The following SEPTIN9 variants were observed in gnomAD, a reference collection of about 807,000 sequenced individuals.
The protein encoded by SEPTIN9 is septin 9.
SEPTIN9 carries 13 observed loss-of-function variants against 56.6 expected under a neutral mutation model. That is an observed-to-expected ratio of 0.23 (90% confidence interval 0.15 to 0.37). SEPTIN9 has a LOEUF of 0.37. Among genes scored for constraint, SEPTIN9 ranks in the 10% least tolerant of loss-of-function variants. The pLI, the probability that SEPTIN9 is intolerant of heterozygous loss-of-function variation, is 1.00. For synonymous variants in SEPTIN9, 332 were observed against 334.1 expected (o/e 0.99, Z 0.07); for missense variants, 650 against 823.1 (o/e 0.79, Z 2.57).
At chr17:77,484,892 GTGGTGGTGGTGATGGTGATGA>G (rs2039653998) in intron 4 of SEPTIN9, among the ~76,000 whole-genome samples, 1 of 99,378 alleles carries the variant, frequency 1.0e-5, no homozygotes, top group African/African-American at 5.9e-5. Flanking sequence ...GATTGTGATG[GTGGTGGTGGTGATGGTGATGA>G]TGGTGGTGAT....
chr17:77,281,875 C>G lies in SEPTIN9; in HGVS notation c.19+321C>G, dbSNP rs8070090. The G allele has an allele frequency of 6.1e-3, 2,443 of 399,272 alleles. 60 individuals carry two copies. Among genetic ancestry groups the G allele is most frequent in the African/African-American group, 0.046 (2,193 of 47,276 alleles). 24.7% of individuals were successfully genotyped at this position (399,272 alleles called of 1,614,324 possible). A position where few individuals can be genotyped will look rare whatever the true frequency, so the allele number is the denominator to read the frequency against. On this transcript the variant is annotated intron_variant, in intron 1 of 11. Transcript: ENST00000427177. ...CGGCCGGGTGCTTTGGGTCCCTGTG[C>G]GTCTGTGTGGGTGAATGGGGTCGGG...
At position 77,451,276 on chromosome 17, in the gene SEPTIN9, C is replaced by T. The variant is rs1415576560; in HGVS notation, c.722-30868C>T. On this transcript the variant is annotated intron_variant, in intron 3 of 11. Transcript: ENST00000427177. This position sits in a 1 kb window ranked among gnomAD's most constrained non-coding sequence, Gnocchi z 4.2. ...CAGGTTGCTTCTGCGCCGGGCCTGC[C>T]GCTGGGCGCCCCTATCTCTGCCTGC... The T allele has an allele frequency of 7.8e-6, 6 of 773,484 alleles. No homozygotes were observed. The highest frequency in any genetic ancestry group is 1.3e-4 in the East Asian group (1 of 7,900). The allele number at this position is 773,484 out of a possible 1,614,324, so 47.9% of individuals were successfully genotyped here. A position where few individuals can be genotyped will look rare whatever the true frequency, so the allele number is the denominator to read the frequency against.
intron 8 of SEPTIN9, among the ~76,000 whole-genome samples, chr17:77,491,351 C>T (rs2040018002): frequency 6.6e-6 from 1 of 152,046 alleles, no homozygotes; most frequent in African/African-American, 2.4e-5. Flanking sequence ...ACGCACACCA[C>T]CATGTCTGGC....
chr17:77,497,481 C>A, intron 11 of SEPTIN9, 115 bp downstream of exon 11: 1 of 908,790 alleles, frequency 1.1e-6, no homozygotes. Flanking sequence ...TGCCCCCTGC[C>A]ACCTGCCTGC....
At chr17:77,452,254 G>C (rs2038007795) in intron 3 of SEPTIN9, among the ~76,000 whole-genome samples, 1 of 152,242 alleles carries the variant, frequency 6.6e-6, no homozygotes, top group African/African-American at 2.4e-5. Flanking sequence ...TAACGGACCT[G>C]CTTTCAGAGG....
chr17:77,457,812 T>C (rs1405119557), intron 3 of SEPTIN9, among the ~76,000 whole-genome samples: 1 of 152,264 alleles, frequency 6.6e-6, no homozygotes, highest in Non-Finnish European at 1.5e-5. Flanking sequence ...CGCAGTGAAG[T>C]CACTATGACG....
At chr17:77,409,404 G>A (rs917387789) in intron 3 of SEPTIN9, among the ~76,000 whole-genome samples, 2 of 152,152 alleles carry the variant, frequency 1.3e-5, no homozygotes, top group Non-Finnish European at 2.9e-5. Flanking sequence ...TCCCCTCGCC[G>A]GCCTGCCAAG....
In SEPTIN9 at chr17:77,453,324, G is replaced by C. The variant is rs754416126; in HGVS notation, c.722-28820G>C. 2.0e-4 allele frequency among the ~76,000 whole-genome samples: 31 copies of C among 152,158 alleles called. No individual in the cohort carries two copies. Among genetic ancestry groups the C allele is most frequent in the Non-Finnish European group, 5.9e-5 (4 of 68,042 alleles). On this transcript the variant is annotated intron_variant, in intron 3 of 11. Coordinates refer to ENST00000427177, the MANE Select transcript of SEPTIN9 (RefSeq NM_001113491.2). This position sits in a 1 kb window ranked among gnomAD's most constrained non-coding sequence, Gnocchi z 4.4. Reference sequence around the variant, plus strand: ...ATTCCATGTCAAAAATGGCCTTGTTGGCCGGGCGCAGTGGCTCATGCCTGT... The same window carrying C: ...ATTCCATGTCAAAAATGGCCTTGTTCGCCGGGCGCAGTGGCTCATGCCTGT...
chr17:77,401,884 G>T (rs2035911723), intron 2 of SEPTIN9, among the ~76,000 whole-genome samples, 175 bp from the exon 3 acceptor site: 1 of 152,178 alleles, frequency 6.6e-6, no homozygotes, highest in African/African-American at 2.4e-5. Flanking sequence ...ACTCATGATG[G>T]TTCTCCTAGG....
At chr17:77,477,862 A>G (rs1344366758) in intron 3 of SEPTIN9, among the ~76,000 whole-genome samples, 1 of 152,122 alleles carries the variant, frequency 6.6e-6, no homozygotes, top group African/African-American at 2.4e-5. Context: ...CGACGTGGGT[A>G]CTGCTGATAA....
intron 3 of SEPTIN9, among the ~76,000 whole-genome samples, chr17:77,422,893 G>A: frequency 6.6e-6 from 1 of 152,166 alleles, no homozygotes; most frequent in Admixed American, 6.5e-5. Context: ...GTGCCTGCCA[G>A]AGCAAGTCTA....
In SEPTIN9 at chr17:77,367,442, G is replaced by C. The variant is rs1041447521; in HGVS notation, c.77-34617G>C. Among the ~76,000 whole-genome samples the C allele has an allele frequency of 2.6e-5, 4 of 152,164 alleles. No homozygotes were observed. The highest frequency in any genetic ancestry group is 4.4e-5 in the Non-Finnish European group (3 of 68,036). On this transcript the variant is annotated intron_variant, in intron 2 of 11. Coordinates refer to ENST00000427177, the MANE Select transcript of SEPTIN9 (RefSeq NM_001113491.2). This position sits in a 1 kb window ranked among gnomAD's most constrained non-coding sequence, Gnocchi z 4.5. Reference sequence around the variant, plus strand: ...CTGCGCTTTGTCATTGCACAGGATCGAACAGGTGTGTGTGGAGTCCCTAAA... The same window carrying C: ...CTGCGCTTTGTCATTGCACAGGATCCAACAGGTGTGTGTGGAGTCCCTAAA...
At chr17:77,466,344 C>T (rs1598419333) in intron 3 of SEPTIN9, 1 of 966,834 alleles carries the variant, frequency 1.0e-6, no homozygotes, top group Non-Finnish European at 1.2e-6. Context: ...AGGCCCCTTC[C>T]CCCTCCCAGC....
At chr17:77,432,266 A>G (rs559692141) in intron 3 of SEPTIN9, among the ~76,000 whole-genome samples, 1 of 152,218 alleles carries the variant, frequency 6.6e-6, no homozygotes, top group Non-Finnish European at 1.5e-5. Context: ...AAAGGTGTTC[A>G]TAGAGCAAAG....
At chr17:77,463,868 T>TA (rs967610406) in intron 3 of SEPTIN9, among the ~76,000 whole-genome samples, 35 of 151,000 alleles carry the variant, frequency 2.3e-4, no homozygotes, top group South Asian at 4.2e-4. Flanking sequence ...AAATAAAATT[T>TA]AAAAAAAAAT....
At chr17:77,286,308 G>C (rs916640412) in intron 1 of SEPTIN9, 2 of 152,366 alleles carry the variant, frequency 1.3e-5, no homozygotes, top group African/African-American at 4.8e-5. Flanking sequence ...TTGCCCGTCA[G>C]ATCTCCCCGG....
At chr17:77,472,847 G>A (rs966650044) in intron 3 of SEPTIN9, 7 of 152,208 alleles carry the variant, frequency 4.6e-5, no homozygotes, top group Admixed American at 6.5e-5. Context: ...AATTAGATGA[G>A]CTGTGTGCAT....
In SEPTIN9 at chr17:77,492,810, A is replaced by G; in HGVS notation, c.1476+94A>G. On this transcript the variant is annotated intron_variant, in intron 9 of 11. Coordinates refer to ENST00000427177, the MANE Select transcript of SEPTIN9 (RefSeq NM_001113491.2). This position sits in a 1 kb window ranked among gnomAD's most constrained non-coding sequence, Gnocchi z 5.4. Reference sequence around the variant, plus strand: ...TTGGAGGACCTTAAGCCATGAAATTATATTCTTGGGGCCAGAGGGCACTGA... The same window carrying G: ...TTGGAGGACCTTAAGCCATGAAATTGTATTCTTGGGGCCAGAGGGCACTGA... 7.6e-7 allele frequency: 1 copy of G among 1,317,560 alleles called. No homozygotes were observed. Among genetic ancestry groups the G allele is most frequent in the Non-Finnish European group, 1.1e-6 (1 of 911,546 alleles). The allele number at this position is 1,317,560 out of a possible 1,614,324, so 81.6% of individuals were successfully genotyped here.
intron 2 of SEPTIN9, among the ~76,000 whole-genome samples, chr17:77,394,567 C>T (rs2035643230): frequency 6.6e-6 from 1 of 152,240 alleles, no homozygotes; most frequent in Admixed American, 6.5e-5. Context: ...GGCCACGTTG[C>T]TCCCTCCTAC....
Sources: gnomAD v4.1 joint callset for allele counts (sites outside exome capture counted in the v4.1 genomes callset) on GRCh38, gnomAD v4.1.1 for gene constraint, Gnocchi (gnomAD v3.1) non-coding constraint, MANE v1.5 for transcripts, NCBI Gene and HGNC (gene_info 2026-07-23, HGNC 2026-07-21) for gene names.